NKIRAS1: variants seen among roughly 807,000 people sequenced by gnomAD.
NKIRAS1 encodes NF-kappa-B inhibitor-interacting Ras-like protein 1.
In NKIRAS1, 16 loss-of-function variants were observed where a neutral mutation model predicts 19.8. That is an observed-to-expected ratio of 0.81 (90% confidence interval 0.55 to 1.23). NKIRAS1 has a LOEUF of 1.23. Ranked by LOEUF, NKIRAS1 falls within the 50% of genes most tolerant of loss-of-function variation. The pLI, the probability that NKIRAS1 is intolerant of heterozygous loss-of-function variation, is 0.00. For missense variants in NKIRAS1, 184 were observed against 220.0 expected, an observed-to-expected ratio of 0.84 and a Z score of 1.04; for synonymous variants, 88 against 79.0, an observed-to-expected ratio of 1.11 and a Z score of -0.61.
At chr3:23,920,844 C>G, upstream of NKIRAS1, 1 of 883,192 alleles carries the variant, frequency 1.1e-6, no homozygotes, top group South Asian at 5.2e-5. Flanking sequence ...TAAACTAAAA[C>G]AAATGGACCT....
intron 3 of NKIRAS1, among the ~76,000 whole-genome samples, chr3:23,904,520 G>T (rs374814075): frequency 1.3e-5 from 2 of 152,276 alleles, no homozygotes; most frequent in South Asian, 2.1e-4. Context: ...GAAGGTGAAG[G>T]GTGGAGCCCT....
chr3:23,946,132 C>T (rs1013890485), intron 1 of NKIRAS1: 3 of 985,006 alleles, frequency 3.0e-6, no homozygotes, highest in Non-Finnish European at 1.2e-6. Context: ...CCTCCTCCCC[C>T]GCGGGGTTGC....
At position 23,926,590 on chromosome 3, in the gene NKIRAS1, T is replaced by C. The variant is rs192549578; in HGVS notation, c.-139-15140A>G. On this transcript the variant is annotated intron_variant, in intron 1 of 4. Coordinates refer to the NKIRAS1 transcript ENST00000421515. This position sits in a 1 kb window ranked among gnomAD's most constrained non-coding sequence, Gnocchi z 4.3. ...GTTTTACCGTAAAAAGTTTGATGTA[T>C]AGATTTCATATGAGAATAGTATTTG... Among the ~76,000 whole-genome samples, 23 of 152,300 alleles carry C rather than the reference T, an allele frequency of 1.5e-4. No homozygotes were observed. The East Asian group carries it at 4.2e-3, about 28-fold the overall frequency.
chr3:23,920,201 G>A (rs535061537), upstream of NKIRAS1: 6 of 985,796 alleles, frequency 6.1e-6, no homozygotes, highest in South Asian at 9.4e-5. Context: ...GAGCTTAGAC[G>A]TCAACCCTAA....
upstream of NKIRAS1, chr3:23,919,158 T>C (rs1192604200): frequency 7.2e-7 from 1 of 1,390,094 alleles, no homozygotes; most frequent in Non-Finnish European, 1.0e-6. Flanking sequence ...CTATAGGCAA[T>C]GTGGGAGATT....
chr3:23,890,223 A>G lies in NKIRAS1; in HGVS notation c.*2872T>C, dbSNP rs190921495. On this transcript the variant is annotated 3_prime_UTR_variant, in exon 5 of 5. Coordinates refer to ENST00000425478, the MANE Select transcript of NKIRAS1 (RefSeq NM_020345.4). ...GTCTCTACTGAACTCAGCCTAACAC[A>G]TAAGAGTAAAGAAACTCCAATTGAG... Among the ~76,000 whole-genome samples, 15 of 152,316 alleles carry G rather than the reference A, an allele frequency of 9.8e-5. No individual in the cohort carries two copies. The highest frequency in any genetic ancestry group is 8.5e-4 in the Admixed American group (13 of 15,294).
At chr3:23,936,040 G>A (rs550140556) in intron 1 of NKIRAS1, among the ~76,000 whole-genome samples, 16 of 124,178 alleles carry the variant, frequency 1.3e-4, no homozygotes, top group African/African-American at 3.1e-4. Flanking sequence ...CTATAATCAC[G>A]CCACTGCACT....
Position 23,902,152 on chromosome 3 carries a change from AC to A in NKIRAS1, c.95-1104del, listed in dbSNP as rs549336924. Among the ~76,000 whole-genome samples, 85 of 151,876 alleles carry A rather than the reference AC, an allele frequency of 5.6e-4. 1 individual carries two copies. Among genetic ancestry groups the A allele is most frequent in the South Asian group, 2.5e-3 (12 of 4,804 alleles). On this transcript the variant is annotated intron_variant, in intron 3 of 4. Coordinates refer to ENST00000425478, the MANE Select transcript of NKIRAS1 (RefSeq NM_020345.4). ...TAAAATCACATGGATAACATCCTAT[AC>A]CCCCCCCAATCATACTATGTTATAG...
rs756648698 is a variant in NKIRAS1, at chr3:23,900,796, A to G, written c.336+12T>C. On this transcript the variant is annotated intron_variant, in intron 4 of 4. Transcript: ENST00000425478. ...ATAATTCACATTTGGCATTTTTAAC[A>G]TATCCACTTGCCTCTTTTTTGTCTT... 1.2e-6 allele frequency: 2 copies of G among 1,608,468 alleles called. No homozygotes were observed. Among genetic ancestry groups the G allele is most frequent in the Non-Finnish European group, 1.7e-6 (2 of 1,176,330 alleles).
chr3:23,913,118 T>A (rs1322609289), intron 1 of NKIRAS1, among the ~76,000 whole-genome samples: 1 of 150,410 alleles, frequency 6.6e-6, no homozygotes, highest in East Asian at 1.9e-4. Context: ...ATTATCAGGA[T>A]AATATAATTA....
At chr3:23,905,929 C>A (rs1702998666) in intron 3 of NKIRAS1, among the ~76,000 whole-genome samples, 1 of 152,124 alleles carries the variant, frequency 6.6e-6, no homozygotes, top group Non-Finnish European at 1.5e-5. Context: ...GAGGCTGAGG[C>A]AGGCAGATTG....
At position 23,928,809 on chromosome 3, in the gene NKIRAS1, C is replaced by T. The variant is rs1401095782; in HGVS notation, c.-139-17359G>A. On this transcript the variant is annotated intron_variant, in intron 1 of 4. Transcript: ENST00000421515. ...GAGTACAAGACCTGCCTAGGCAACACGGTGAAGCCCCGTTTCTAATAAAAT... is the reference window on the plus strand; with the variant it reads ...GAGTACAAGACCTGCCTAGGCAACATGGTGAAGCCCCGTTTCTAATAAAAT... 3.3e-5 allele frequency among the ~76,000 whole-genome samples: 5 copies of T among 150,636 alleles called. No individual in the cohort carries two copies. In the East Asian group the frequency reaches 5.9e-4, roughly 18 times the overall value.
At chr3:23,907,353 T>G (rs903189883) in intron 3 of NKIRAS1, among the ~76,000 whole-genome samples, 1 of 152,082 alleles carries the variant, frequency 6.6e-6, no homozygotes, top group African/African-American at 2.4e-5. Context: ...GTTAAGTTTC[T>G]GGGGGGACAA....
intron 4 of NKIRAS1, among the ~76,000 whole-genome samples, chr3:23,895,723 T>C (rs1275242470): frequency 1.3e-5 from 2 of 152,204 alleles, no homozygotes; most frequent in East Asian, 3.9e-4. Context: ...TTTCTCCATT[T>C]ACTCTGTAAT....
At chr3:23,924,691 C>G (rs547630576) in intron 1 of NKIRAS1, among the ~76,000 whole-genome samples, 56 of 152,268 alleles carry the variant, frequency 3.7e-4, no homozygotes, top group African/African-American at 1.3e-3. Flanking sequence ...AATAAGCCAC[C>G]AAGCCTGGCC....
intron 3 of NKIRAS1, among the ~76,000 whole-genome samples, chr3:23,909,501 T>A (rs936448851): frequency 6.6e-6 from 1 of 152,170 alleles, no homozygotes; most frequent in Non-Finnish European, 1.5e-5. Context: ...CACTCAAGCC[T>A]GGGAGACAGG....
At position 23,904,974 on chromosome 3, in the gene NKIRAS1, C is replaced by T. The variant is rs184579575; in HGVS notation, c.95-3925G>A. ...AATGAAAAGTAAACAACCACAGCTA[C>T]GGCAAAATGGATGAATCTTTTATTT... On this transcript the variant is annotated intron_variant, in intron 3 of 4. Transcript: ENST00000425478. 1.5e-4 allele frequency among the ~76,000 whole-genome samples: 23 copies of T among 152,250 alleles called. No individual in the cohort carries two copies. In the East Asian group the frequency reaches 3.3e-3, roughly 22 times the overall value.
intron 1 of NKIRAS1, among the ~76,000 whole-genome samples, chr3:23,940,509 G>A (rs1705473923): frequency 6.6e-6 from 1 of 151,948 alleles, no homozygotes; most frequent in Non-Finnish European, 1.5e-5. Flanking sequence ...TTTCAGTATT[G>A]CCCATAAACA....
chr3:23,921,868 C>G, upstream of NKIRAS1: 3 of 479,628 alleles, frequency 6.3e-6, no homozygotes, highest in Non-Finnish European at 1.1e-5. Context: ...AGCCACCACC[C>G]CCAGCCCAAT....
Sources: allele counts gnomAD v4.1 joint callset (sites outside exome capture counted in the v4.1 genomes callset), GRCh38; gene constraint gnomAD v4.1.1; non-coding constraint Gnocchi (gnomAD v3.1); transcripts MANE v1.5; gene names NCBI Gene and HGNC (gene_info 2026-07-23, HGNC 2026-07-21).